The following WWC1 variants were observed in gnomAD, a reference collection of about 807,000 sequenced individuals.
WWC1 encodes protein KIBRA.
Under a neutral mutation model 138.4 loss-of-function variants are expected in WWC1, and 55 were observed. The ratio of observed to expected loss-of-function variants is 0.40; its 90% CI spans 0.32 to 0.50. The LOEUF (loss-of-function observed/expected upper bound fraction) is 0.50, where lower values mean the gene tolerates loss of function less well. WWC1 is among the 20% of genes least tolerant of loss of function. WWC1 has a pLI of 0.72. For missense variants in WWC1, 1,226 were observed against 1,420.4 expected, an observed-to-expected ratio of 0.86 and a Z score of 2.20; for synonymous variants, 524 against 564.9, an observed-to-expected ratio of 0.93 and a Z score of 1.03.
chr5:168,350,039 A>G (rs535314561), intron 1 of WWC1, among the ~76,000 whole-genome samples: 25 of 152,310 alleles, frequency 1.6e-4, no homozygotes, highest in African/African-American at 5.3e-4. Flanking sequence ...ATCTTATGGA[A>G]AAGCTCTCAG....
At chr5:168,380,644 C>T (rs1215921371) in intron 2 of WWC1, among the ~76,000 whole-genome samples, 6 of 152,158 alleles carry the variant, frequency 3.9e-5, no homozygotes, top group East Asian at 1.9e-4. Flanking sequence ...CATATACTTG[C>T]GAAGTATAAT....
At chr5:168,344,381 C>T (rs1386857410) in intron 1 of WWC1, among the ~76,000 whole-genome samples, 2 of 152,114 alleles carry the variant, frequency 1.3e-5, no homozygotes, top group African/African-American at 2.4e-5. Flanking sequence ...CTTCCAACAG[C>T]GAGTTATGGG....
intron 9 of WWC1, among the ~76,000 whole-genome samples, chr5:168,419,322 T>C (rs9313414): frequency 0.56 from 85,204 of 152,096 alleles, 26,136 homozygotes; most frequent in African/African-American, 0.8. Context: ...GGTATAATAA[T>C]ATGCAGGTCT....
rs1561712364 is a variant in WWC1, at chr5:168,403,060, T to TTCTTTCTTTCTTTCTTTCTC, written c.591-3119_591-3118insCTCTTTCTTTCTTTCTTTCT. ...TTTCTTTCTTTCTTTCTTTCTTTCT[T>TTCTTTCTTTCTTTCTTTCTC]TCTTTCTTTCTTTCTTTCTTTTCTT... is the stretch of plus-strand genomic sequence containing the variant. On this transcript the variant is annotated intron_variant, in intron 5 of 22. Transcript: ENST00000265293. Among the ~76,000 whole-genome samples, 18 of 124,038 alleles carry TTCTTTCTTTCTTTCTTTCTC rather than the reference T, an allele frequency of 1.5e-4. No homozygotes were observed. The East Asian group carries it at 3.2e-3, about 22-fold the overall frequency. The allele number at this position is 124,038 out of a possible 152,430, so 81.4% of individuals were successfully genotyped here.
intron 21 of WWC1, among the ~76,000 whole-genome samples, chr5:168,467,131 G>A (rs1413246261): frequency 2.6e-5 from 4 of 152,152 alleles, no homozygotes; most frequent in African/African-American, 7.2e-5. Context: ...GGTGGCGGGC[G>A]CCTGTAGTCC....
At chr5:168,441,594 T>C in intron 15 of WWC1, 88 bp from the exon 16 acceptor site, 1 of 1,459,252 alleles carries the variant, frequency 6.9e-7, no homozygotes, top group Non-Finnish European at 9.3e-7. Context: ...GTGGTGTTTT[T>C]TCCATACTGT....
intron 2 of WWC1, among the ~76,000 whole-genome samples, chr5:168,384,789 C>T (rs1777916801): frequency 6.9e-6 from 1 of 145,208 alleles, no homozygotes; most frequent in Non-Finnish European, 1.5e-5. Flanking sequence ...ACGATCTCAG[C>T]TTGCTGCAAC....
At chr5:168,331,247 A>T (rs1773011227) in intron 1 of WWC1, among the ~76,000 whole-genome samples, 1 of 152,364 alleles carries the variant, frequency 6.6e-6, no homozygotes, top group East Asian at 1.9e-4. Flanking sequence ...AGCATTCAGC[A>T]AGATTCAAAA....
intron 1 of WWC1, among the ~76,000 whole-genome samples, chr5:168,323,830 A>G (rs1411855585): frequency 6.6e-6 from 1 of 152,214 alleles, no homozygotes; most frequent in East Asian, 1.9e-4. Flanking sequence ...GACACATCAT[A>G]GTCAAACTGC....
At chr5:168,294,427 A>C (rs533527953) in intron 1 of WWC1, among the ~76,000 whole-genome samples, 1 of 152,222 alleles carries the variant, frequency 6.6e-6, no homozygotes, top group South Asian at 2.1e-4. Flanking sequence ...AACAAAAAAA[A>C]CAAAAAACCA....
chr5:168,435,936 G>A (rs1263469633), intron 15 of WWC1, among the ~76,000 whole-genome samples: 1 of 151,786 alleles, frequency 6.6e-6, no homozygotes, highest in African/African-American at 2.4e-5. Context: ...TCCGCTTCCC[G>A]GGTCCAAACC....
At chr5:168,326,405 C>G (rs374808973) in intron 1 of WWC1, among the ~76,000 whole-genome samples, 9 of 151,706 alleles carry the variant, frequency 5.9e-5, no homozygotes, top group African/African-American at 2.2e-4. Context: ...TTAGTAGAGA[C>G]AGGGTTTCTC....
intron 8 of WWC1, among the ~76,000 whole-genome samples, chr5:168,412,334 C>T (rs1187274376): frequency 6.6e-6 from 1 of 152,198 alleles, no homozygotes; most frequent in Non-Finnish European, 1.5e-5. Flanking sequence ...AGGGAGGTGT[C>T]TGTAATCCAA....
intron 1 of WWC1, among the ~76,000 whole-genome samples, chr5:168,358,930 C>A (rs1775665675): frequency 6.6e-6 from 1 of 152,072 alleles, no homozygotes. Context: ...CCCCAGGCAA[C>A]CACTGACCTG....
intron 2 of WWC1, 85 bp downstream of exon 2, chr5:168,371,618 C>A: frequency 1.1e-6 from 1 of 892,638 alleles, no homozygotes; most frequent in Non-Finnish European, 1.8e-6. Context: ...CTGGAAGAAC[C>A]ACTTGCAGAC....
At chr5:168,317,033 C>T (rs868328726) in intron 1 of WWC1, among the ~76,000 whole-genome samples, 8 of 152,288 alleles carry the variant, frequency 5.3e-5, no homozygotes, top group African/African-American at 1.9e-4. Context: ...AAACCTCACC[C>T]GGCAGTAGTG....
chr5:168,405,123 C>G (rs1229487463), intron 5 of WWC1, among the ~76,000 whole-genome samples: 7 of 152,060 alleles, frequency 4.6e-5, no homozygotes, highest in Non-Finnish European at 1.0e-4. Context: ...AACTGAGGCT[C>G]TGTGTATTTG....
At chr5:168,442,439 C>CA (rs11430085) in intron 16 of WWC1, among the ~76,000 whole-genome samples, 40,452 of 97,238 alleles carry the variant, frequency 0.42, 9,064 homozygotes, top group East Asian at 0.79. Flanking sequence ...CTTGTCTCTA[C>CA]AAAAAAAAAA....
At chr5:168,450,153 C>T (rs568504332) in intron 17 of WWC1, among the ~76,000 whole-genome samples, 1 of 152,244 alleles carries the variant, frequency 6.6e-6, no homozygotes, top group Admixed American at 6.5e-5. Context: ...GATCAGAAGC[C>T]GGGCAGTTCT....
Sources: gnomAD v4.1 joint callset for allele counts (sites outside exome capture counted in the v4.1 genomes callset) on GRCh38, gnomAD v4.1.1 for gene constraint, MANE v1.5 for transcripts, NCBI Gene and HGNC (gene_info 2026-07-23, HGNC 2026-07-21) for gene names.